The following CAPRIN1 variants were observed in gnomAD, a reference collection of about 807,000 sequenced individuals.
The protein encoded by CAPRIN1 is cell cycle associated protein 1.
In CAPRIN1, 29 loss-of-function variants were observed where a neutral mutation model predicts 100.9. The ratio of observed to expected loss-of-function variants is 0.29; its 90% CI spans 0.21 to 0.39. CAPRIN1 has a LOEUF of 0.39. Among genes scored for constraint, CAPRIN1 ranks in the 10% least tolerant of loss-of-function variants. The pLI, the probability that CAPRIN1 is intolerant of heterozygous loss-of-function variation, is 1.00. For missense variants in CAPRIN1, 795 were observed against 876.7 expected (o/e 0.91, Z 1.18); for synonymous variants, 338 against 307.5 (o/e 1.10, Z -1.04).
Position 34,076,351 on chromosome 11 carries a change from A to T in CAPRIN1, c.482A>T (p.Asp161Val), listed in dbSNP as rs1386690558. The change falls in exon 5 of 19, where the codon GAT becomes GTT. Residue 161 changes from aspartate (D) to valine (V), a missense_variant. Coordinates refer to ENST00000341394, the MANE Select transcript of CAPRIN1 (RefSeq NM_005898.5). ...CAGTATGTTTTGGACAAATTGGGAG[A>T]TGATGAAGTGCGGACTGACCTGAAA... is the stretch of plus-strand genomic sequence containing the variant. The part of the protein sequence containing the change: ...ELQYVLDKLG[D>V]DEVRTDLKQG... 1 of 1,614,212 alleles carries T rather than the reference A, an allele frequency of 6.2e-7. No homozygotes were observed.
chr11:34,063,363 G>C (rs894121496), intron 2 of CAPRIN1: 4 of 152,170 alleles, frequency 2.6e-5, no homozygotes, highest in Admixed American at 1.3e-4. Flanking sequence ...ACCTTACTTA[G>C]GTAAGTTATT....
In CAPRIN1 at chr11:34,097,224, C is replaced by T. The variant is rs776519092; in HGVS notation, c.1929C>T (p.Phe643=). The change falls in exon 17 of 19, where the codon TTC becomes TTT. Residue 643 remains phenylalanine (F), a synonymous_variant. Transcript: ENST00000341394. ...GATATGATGGTTACCGCCCTTCATT[C>T]TCTAACACTCCAAACAGTGGTTATA... ...RGGYDGYRPS[F]SNTPNSGYTQ... 6.2e-7 allele frequency: 1 copy of T among 1,613,642 alleles called. No homozygotes were observed. Among genetic ancestry groups the T allele is most frequent in the Non-Finnish European group, 8.5e-7 (1 of 1,179,576 alleles).
intron 18 of CAPRIN1, chr11:34,098,650 T>A: frequency 1.0e-6 from 1 of 985,442 alleles, no homozygotes; most frequent in Non-Finnish European, 1.2e-6. Flanking sequence ...CACTTGGGAA[T>A]TACTGACTTG....
At chr11:34,098,252 A>ATT (rs900261682) in intron 18 of CAPRIN1, 3 of 985,840 alleles carry the variant, frequency 3.0e-6, no homozygotes, top group African/African-American at 3.5e-5. Context: ...AACTAATGGA[A>ATT]TTTGCAATGC....
At chr11:34,069,103 A>T (rs1014278546) in intron 2 of CAPRIN1, among the ~76,000 whole-genome samples, 4 of 151,404 alleles carry the variant, frequency 2.6e-5, no homozygotes, top group Non-Finnish European at 5.9e-5. Context: ...TGTGATTATA[A>T]TATTATTATT....
chr11:34,083,125 T>G, intron 9 of CAPRIN1, 84 bp downstream of exon 9: 1 of 914,170 alleles, frequency 1.1e-6, no homozygotes, highest in Non-Finnish European at 1.8e-6. Context: ...TTAAGATTGT[T>G]TTTTGCATTA....
chr11:34,070,436 G>A (rs551163981), intron 2 of CAPRIN1, among the ~76,000 whole-genome samples: 2 of 152,132 alleles, frequency 1.3e-5, no homozygotes, highest in African/African-American at 4.8e-5. Context: ...TCACGCTGTC[G>A]CCTAGGCTGG....
At chr11:34,084,492 GT>G (rs1565093689) in intron 9 of CAPRIN1, among the ~76,000 whole-genome samples, 1 of 152,200 alleles carries the variant, frequency 6.6e-6, no homozygotes, top group East Asian at 1.9e-4. Context: ...ATTTACAGTT[GT>G]TCCTTGTTAT....
intron 2 of CAPRIN1, among the ~76,000 whole-genome samples, chr11:34,065,796 C>CT (rs1850677411): frequency 6.6e-6 from 1 of 152,126 alleles, no homozygotes; most frequent in Admixed American, 6.6e-5. Context: ...GGTATTTCCT[C>CT]TTATGAGTGC....
At position 34,102,316 on chromosome 11, in the gene CAPRIN1, A is replaced by G. The variant is rs567804281; in HGVS notation, c.*2949A>G. On this transcript the variant is annotated 3_prime_UTR_variant, in exon 19 of 19. Coordinates refer to ENST00000341394, the MANE Select transcript of CAPRIN1 (RefSeq NM_005898.5). ...TATAACTAGAGGAAGTGGAATGCAG[A>G]TAAGTGCCGAATTCAAACCCTTCAT... Among the ~76,000 whole-genome samples, 1 of 152,204 alleles carries G rather than the reference A, an allele frequency of 6.6e-6. No individual in the cohort carries two copies. The highest frequency in any genetic ancestry group is 1.5e-5 in the Non-Finnish European group (1 of 68,018).
chr11:34,052,876 T>C, intron 2 of CAPRIN1: 1 of 1,390,762 alleles, frequency 7.2e-7, no homozygotes, highest in Non-Finnish European at 9.3e-7. Flanking sequence ...CCCAGGCCTC[T>C]TTATTACTCT....
Position 34,059,016 on chromosome 11 carries a change from T to C in CAPRIN1, c.216+6380T>C, listed in dbSNP as rs569372320. On this transcript the variant is annotated intron_variant, in intron 2 of 18. Coordinates refer to ENST00000341394, the MANE Select transcript of CAPRIN1 (RefSeq NM_005898.5). Reference sequence around the variant, plus strand: ...AGTGAGAGGAGTAGCAGAAGAGAAATTCATCCAAAGTTGGAACTGTAAATT... The same window carrying C: ...AGTGAGAGGAGTAGCAGAAGAGAAACTCATCCAAAGTTGGAACTGTAAATT... Among the ~76,000 whole-genome samples the C allele has an allele frequency of 4.6e-5, 7 of 152,318 alleles. No individual in the cohort carries two copies. The South Asian group carries it at 1.5e-3, about 32-fold the overall frequency.
At chr11:34,067,505 A>G (rs370183514) in intron 2 of CAPRIN1, among the ~76,000 whole-genome samples, 1 of 147,924 alleles carries the variant, frequency 6.8e-6, no homozygotes, top group African/African-American at 2.5e-5. Context: ...TTTTTTTTTT[A>G]ATTTTTATTT....
chr11:34,064,009 C>A (rs1418359885), intron 2 of CAPRIN1, among the ~76,000 whole-genome samples: 1 of 152,154 alleles, frequency 6.6e-6, no homozygotes, highest in African/African-American at 2.4e-5. Flanking sequence ...CTCAGGTGAT[C>A]CACCTGTCTC....
intron 12 of CAPRIN1, 153 bp from the exon 13 acceptor site, chr11:34,090,026 T>C: frequency 2.1e-6 from 1 of 469,346 alleles, no homozygotes; most frequent in Non-Finnish European, 3.8e-6. Flanking sequence ...GGTTTTATAT[T>C]ATACAAATTT....
chr11:34,052,364 G>T, intron 1 of CAPRIN1, 57 bp from the exon 2 acceptor site: 6 of 1,424,610 alleles, frequency 4.2e-6, no homozygotes, highest in Non-Finnish European at 5.9e-6. Flanking sequence ...TCCGTCTCCT[G>T]ACTGGCCGCT....
chr11:34,086,655 A>G (rs1253533008), intron 11 of CAPRIN1, among the ~76,000 whole-genome samples: 2 of 152,190 alleles, frequency 1.3e-5, no homozygotes, highest in Non-Finnish European at 2.9e-5. Context: ...CGCAAGTTTA[A>G]TGAGTTTTTA....
In CAPRIN1 at chr11:34,096,645, A is replaced by G. The variant is rs755107733; in HGVS notation, c.1872A>G (p.Gly624=). 1.9e-6 allele frequency: 3 copies of G among 1,604,492 alleles called. No individual in the cohort carries two copies. In the South Asian group the frequency reaches 3.3e-5, roughly 18 times the overall value. Residue 624 remains glycine (G), a synonymous_variant, in exon 16 of 19, where the codon GGA becomes GGG. Transcript: ENST00000341394. ...GTGGTGCTAGAGGCTTGATGAATGG[A>G]TACCGGGGCCCTGCCAATGGATTCA... The part of the protein sequence containing the change: ...GSRGARGLMN[G]YRGPANGFRG...
At chr11:34,090,468 C>T in intron 13 of CAPRIN1, 61 bp from the exon 14 acceptor site, 3 of 1,555,094 alleles carry the variant, frequency 1.9e-6, no homozygotes, top group Non-Finnish European at 1.8e-6. Context: ...TACATCTGTT[C>T]ACTTTTTGTT....
Sources: allele counts gnomAD v4.1 joint callset (sites outside exome capture counted in the v4.1 genomes callset), GRCh38; gene constraint gnomAD v4.1.1; transcripts MANE v1.5; gene names NCBI Gene and HGNC (gene_info 2026-07-23, HGNC 2026-07-21).